MAP2K1: variants seen among roughly 807,000 people sequenced by gnomAD.
MAP2K1 encodes the protein dual specificity mitogen-activated protein kinase kinase 1.
Under a neutral mutation model 46.3 loss-of-function variants are expected in MAP2K1, and 16 were observed. The ratio of observed to expected loss-of-function variants is 0.35; its 90% CI spans 0.23 to 0.52. The LOEUF is 0.52. MAP2K1 is among the 20% of genes least tolerant of loss of function. The probability of loss-of-function intolerance (pLI) is 0.94; values close to 1 mark genes in which losing one functional copy is unlikely to be tolerated. For synonymous variants in MAP2K1, 183 were observed against 185.6 expected, an observed-to-expected ratio of 0.99 and a Z score of 0.11; for missense variants, 263 against 497.1, an observed-to-expected ratio of 0.53 and a Z score of 4.48.
At chr15:66,420,807 A>C (rs1367933785) in intron 1 of MAP2K1, among the ~76,000 whole-genome samples, 1 of 99,296 alleles carries the variant, frequency 1.0e-5, no homozygotes, top group East Asian at 2.8e-4. Flanking sequence ...ATATATGTGT[A>C]TATATATGTG....
intron 5 of MAP2K1, among the ~76,000 whole-genome samples, chr15:66,472,582 C>T (rs1220175641): frequency 1.3e-5 from 2 of 152,134 alleles, no homozygotes; most frequent in African/African-American, 4.8e-5. Context: ...TGCCCTGTAG[C>T]CAGGGACAAG....
chr15:66,413,647 A>G (rs1248990403), intron 1 of MAP2K1, among the ~76,000 whole-genome samples: 2 of 150,820 alleles, frequency 1.3e-5, no homozygotes, highest in East Asian at 3.9e-4. Flanking sequence ...TTTTGGTTTT[A>G]GTGTTTATTG....
At chr15:66,472,159 C>A (rs576117917) in intron 5 of MAP2K1, among the ~76,000 whole-genome samples, 1 of 151,344 alleles carries the variant, frequency 6.6e-6, no homozygotes, top group Admixed American at 6.6e-5. Context: ...CAAAAATTAC[C>A]TGGATGTGGT....
chr15:66,441,867 A>G (rs1170211787), intron 3 of MAP2K1, among the ~76,000 whole-genome samples: 3 of 152,176 alleles, frequency 2.0e-5, no homozygotes, highest in Non-Finnish European at 4.4e-5. Flanking sequence ...TTGAGTTTTC[A>G]GGAATTAGGT....
chr15:66,420,010 G>GCCA (rs2093433825), intron 1 of MAP2K1, among the ~76,000 whole-genome samples: 1 of 151,054 alleles, frequency 6.6e-6, no homozygotes, highest in African/African-American at 2.4e-5. Flanking sequence ...TTTGGGAGGT[G>GCCA]AGGTGGGTGG....
At chr15:66,390,887 C>T (rs541200022) in intron 1 of MAP2K1, among the ~76,000 whole-genome samples, 1 of 152,250 alleles carries the variant, frequency 6.6e-6, no homozygotes, top group Non-Finnish European at 1.5e-5. Flanking sequence ...TCTATACGCA[C>T]TGCAGGCCTC....
intron 5 of MAP2K1, among the ~76,000 whole-genome samples, chr15:66,449,054 A>G (rs1891961921): frequency 6.6e-6 from 1 of 151,204 alleles, no homozygotes; most frequent in South Asian, 2.1e-4. Context: ...ACATTCAGAG[A>G]GAGGACAACC....
At chr15:66,425,480 A>G (rs1229614728) in intron 1 of MAP2K1, among the ~76,000 whole-genome samples, 2 of 152,204 alleles carry the variant, frequency 1.3e-5, no homozygotes, top group East Asian at 1.9e-4. Flanking sequence ...TGTAGGTGAG[A>G]AAAGTCTCAT....
At position 66,420,968 on chromosome 15, in the gene MAP2K1, CACACATACAT is replaced by C. The variant is rs1428909380; in HGVS notation, c.81-14053_81-14044del. Among the ~76,000 whole-genome samples the C allele has an allele frequency of 1.3e-3, 31 of 23,378 alleles. 2 individuals carry two copies. The South Asian group carries it at 0.08, about 61-fold the overall frequency. 15.3% of individuals were successfully genotyped at this position (23,378 alleles called of 152,430 possible). ...ATATACATACACATACATATATACACACACATACATACACACACATACATACATATATACA... is the reference window on the plus strand; with the variant it reads ...ATATACATACACATACATATATACACACACACACATACATACATATATACA... On this transcript the variant is annotated intron_variant, in intron 1 of 10. Transcript: ENST00000307102.
chr15:66,420,974 TACATACACACAC>T (rs2093440715), intron 1 of MAP2K1, among the ~76,000 whole-genome samples: 1 of 35,286 alleles, frequency 2.8e-5, no homozygotes, highest in Admixed American at 3.2e-4. Context: ...TACACACACA[TACATACACACAC>T]ATACATACAT....
chr15:66,429,660 C>T (rs753306866), intron 1 of MAP2K1, among the ~76,000 whole-genome samples: 18 of 98,020 alleles, frequency 1.8e-4, no homozygotes, highest in Non-Finnish European at 2.8e-4. Flanking sequence ...GTCTGCACTG[C>T]GGCGCCCCCC....
Position 66,489,177 on chromosome 15 carries a change from G to C in MAP2K1, c.961-38G>C, listed in dbSNP as rs372032236. 1.0e-5 allele frequency: 16 copies of C among 1,562,394 alleles called. No homozygotes were observed. The African/African-American group carries it at 1.9e-4, about 18-fold the overall frequency. ...GGGGAGAGGAGATGGCTGGAGCAAG[G>C]AGCCAGGCATTTTTCTTATCTCAAC... is the stretch of plus-strand genomic sequence containing the variant. On this transcript the variant is annotated intron_variant, in intron 8 of 10. Coordinates refer to ENST00000307102, the MANE Select transcript of MAP2K1 (RefSeq NM_002755.4).
intron 1 of MAP2K1, among the ~76,000 whole-genome samples, chr15:66,389,585 T>G (rs1255059684): frequency 1.4e-5 from 2 of 145,956 alleles, no homozygotes; most frequent in African/African-American, 2.6e-5. Context: ...TTTTTTTTTT[T>G]TTTTTTTTTT....
intron 1 of MAP2K1, among the ~76,000 whole-genome samples, chr15:66,421,226 C>T (rs1337135573): frequency 6.6e-6 from 1 of 151,810 alleles, no homozygotes; most frequent in African/African-American, 2.4e-5. Context: ...ACCTTGACCT[C>T]CCGGGTTCAA....
At chr15:66,473,079 G>A (rs1288751864) in intron 5 of MAP2K1, among the ~76,000 whole-genome samples, 1 of 152,194 alleles carries the variant, frequency 6.6e-6, no homozygotes, top group Non-Finnish European at 1.5e-5. Context: ...TTGTTCTCCT[G>A]CCTGTAGGTG....
intron 1 of MAP2K1, among the ~76,000 whole-genome samples, chr15:66,433,185 C>G (rs2093479229): frequency 6.6e-6 from 1 of 151,978 alleles, no homozygotes; most frequent in African/African-American, 2.4e-5. Context: ...CACTGTGCAC[C>G]CCCAGCCACA....
At chr15:66,479,874 A>G (rs1393446301) in intron 5 of MAP2K1, among the ~76,000 whole-genome samples, 1 of 152,000 alleles carries the variant, frequency 6.6e-6, no homozygotes, top group African/African-American at 2.4e-5. Context: ...CTGGGATATT[A>G]GAGGGTCATG....
At chr15:66,413,208 T>G (rs1163030459) in intron 1 of MAP2K1, among the ~76,000 whole-genome samples, 1 of 152,152 alleles carries the variant, frequency 6.6e-6, no homozygotes, top group Non-Finnish European at 1.5e-5. Context: ...TTGTGTCAAT[T>G]TTTAGAAGCT....
chr15:66,480,583 T>C (rs1892890265), intron 5 of MAP2K1, among the ~76,000 whole-genome samples: 1 of 152,078 alleles, frequency 6.6e-6, no homozygotes, highest in Admixed American at 6.6e-5. Flanking sequence ...AAAAAAATAA[T>C]AATAAATGCA....
Sources: allele counts gnomAD v4.1 joint callset (sites outside exome capture counted in the v4.1 genomes callset), GRCh38; gene constraint gnomAD v4.1.1; transcripts MANE v1.5; gene names NCBI Gene and HGNC (gene_info 2026-07-23, HGNC 2026-07-21).